ACER3: variants seen among roughly 807,000 people sequenced by gnomAD.
ACER3 encodes the protein alkCDase 3.
ACER3 carries 16 observed loss-of-function variants against 48.9 expected under a neutral mutation model. The ratio of observed to expected loss-of-function variants is 0.33; its 90% confidence interval spans 0.22 to 0.50. The LOEUF is 0.50. Among genes scored for constraint, ACER3 ranks in the 20% least tolerant of loss-of-function variants. ACER3 has a pLI of 0.98. For missense variants in ACER3, 227 were observed against 326.0 expected, an observed-to-expected ratio of 0.70 and a Z score of 2.34; for synonymous variants, 109 against 107.8, an observed-to-expected ratio of 1.01 and a Z score of -0.07.
intron 2 of ACER3, among the ~76,000 whole-genome samples, chr11:76,929,598 C>T (rs1210524533): frequency 1.3e-5 from 2 of 152,142 alleles, no homozygotes; most frequent in East Asian, 3.8e-4. Flanking sequence ...GGCTGTGGGT[C>T]TGTCATAAAT....
chr11:76,861,145 G>A, intron 1 of ACER3, 66 bp downstream of exon 1: 1 of 1,454,972 alleles, frequency 6.9e-7, no homozygotes, highest in Non-Finnish European at 9.3e-7. Context: ...GCCGTGTGAG[G>A]AAGGCAAAGA....
intron 1 of ACER3, among the ~76,000 whole-genome samples, chr11:76,870,299 T>A (rs1180487375): frequency 6.7e-6 from 1 of 149,356 alleles, no homozygotes; most frequent in African/African-American, 2.5e-5. Flanking sequence ...CACACCTGTC[T>A]ATTTTTTTTA....
intron 6 of ACER3, among the ~76,000 whole-genome samples, chr11:76,992,758 TAC>T (rs1448248325): frequency 6.6e-6 from 1 of 152,152 alleles, no homozygotes; most frequent in Non-Finnish European, 1.5e-5. Flanking sequence ...ATGATCTACA[TAC>T]AGTCAAGCAG....
chr11:76,985,483 C>T (rs1948669388), intron 4 of ACER3, among the ~76,000 whole-genome samples, 160 bp from the exon 5 acceptor site: 1 of 152,156 alleles, frequency 6.6e-6, no homozygotes, highest in South Asian at 2.1e-4. Flanking sequence ...TCCTTCCAGC[C>T]TCTTAGAGGA....
chr11:76,986,962 A>G (rs776054242), intron 5 of ACER3, among the ~76,000 whole-genome samples: 16 of 152,142 alleles, frequency 1.1e-4, no homozygotes, highest in Non-Finnish European at 2.1e-4. Context: ...GCTACTCAGG[A>G]GGCTGAGGTG....
At chr11:77,003,878 G>C (rs1949082422) in intron 7 of ACER3, among the ~76,000 whole-genome samples, 1 of 151,962 alleles carries the variant, frequency 6.6e-6, no homozygotes. Flanking sequence ...TTGATTTCTT[G>C]TTTGATTTCA....
At chr11:76,986,159 G>A (rs937030859) in intron 5 of ACER3, among the ~76,000 whole-genome samples, 1 of 151,986 alleles carries the variant, frequency 6.6e-6, no homozygotes, top group Admixed American at 6.6e-5. Context: ...CAAGTAAATT[G>A]CATTTTATAT....
chr11:77,009,165 C>A (rs1707976419), intron 7 of ACER3, among the ~76,000 whole-genome samples: 1 of 152,180 alleles, frequency 6.6e-6, no homozygotes, highest in South Asian at 2.1e-4. Context: ...AATTGGCTGA[C>A]AGTTTTTTAG....
intron 1 of ACER3, among the ~76,000 whole-genome samples, chr11:76,864,913 A>G (rs1383231299): frequency 7.3e-6 from 1 of 137,812 alleles, no homozygotes; most frequent in Admixed American, 7.7e-5. Context: ...TTTTTCTTTT[A>G]AATTAATTTT....
chr11:76,949,114 G>A (rs1363237518), intron 2 of ACER3, among the ~76,000 whole-genome samples: 1 of 152,048 alleles, frequency 6.6e-6, no homozygotes, highest in Non-Finnish European at 1.5e-5. Context: ...TTGTAACCTT[G>A]AAAAACTTTG....
chr11:76,995,268 T>C (rs1948888572), intron 6 of ACER3, among the ~76,000 whole-genome samples: 1 of 152,190 alleles, frequency 6.6e-6, no homozygotes, highest in South Asian at 2.1e-4. Context: ...TTTAGGACTT[T>C]GGCACTCACT....
At chr11:76,999,379 G>T (rs1350523734) in intron 7 of ACER3, among the ~76,000 whole-genome samples, 4 of 148,788 alleles carry the variant, frequency 2.7e-5, no homozygotes, top group South Asian at 2.1e-4. Flanking sequence ...TTGTGGGTTT[G>T]TTTTTTTTTT....
At chr11:76,945,989 C>T (rs1174093981) in intron 2 of ACER3, among the ~76,000 whole-genome samples, 2 of 152,210 alleles carry the variant, frequency 1.3e-5, no homozygotes, top group Non-Finnish European at 2.9e-5. Context: ...TAGCCTCAAA[C>T]TCAGTCTGAG....
chr11:76,883,994 C>G (rs930328925), intron 1 of ACER3, among the ~76,000 whole-genome samples: 1 of 152,186 alleles, frequency 6.6e-6, no homozygotes, highest in African/African-American at 2.4e-5. Context: ...TCTAGGATCT[C>G]TACTGGATAC....
intron 2 of ACER3, among the ~76,000 whole-genome samples, chr11:76,933,888 A>G (rs1279521521): frequency 6.6e-6 from 1 of 151,552 alleles, no homozygotes; most frequent in Non-Finnish European, 1.5e-5. Context: ...CTCACTTCTC[A>G]GATGGGGCGG....
intron 1 of ACER3, among the ~76,000 whole-genome samples, chr11:76,866,332 C>T (rs75269303): frequency 6.6e-4 from 100 of 152,290 alleles, no homozygotes; most frequent in African/African-American, 2.4e-3. Flanking sequence ...AAGTTTATCA[C>T]CAGGAGACAA....
At chr11:76,937,068 G>T (rs1043124713) in intron 2 of ACER3, among the ~76,000 whole-genome samples, 1 of 152,072 alleles carries the variant, frequency 6.6e-6, no homozygotes, top group Non-Finnish European at 1.5e-5. Context: ...ATAGGAAAAC[G>T]TGGTCAAATA....
At chr11:76,948,211 CTGTGTGTGTGTG>C (rs57302394) in intron 2 of ACER3, among the ~76,000 whole-genome samples, 294 of 135,768 alleles carry the variant, frequency 2.2e-3, no homozygotes, top group African/African-American at 6.1e-3. Flanking sequence ...CTGGCTCACT[CTGTGTGTGTGTG>C]TGTGTGTGTG....
At chr11:76,888,032 G>A (rs1008939443) in intron 1 of ACER3, among the ~76,000 whole-genome samples, 6 of 151,896 alleles carry the variant, frequency 4.0e-5, no homozygotes, top group Non-Finnish European at 7.4e-5. Context: ...TGCCCAGGCC[G>A]GTCTTGGCAG....
Sources: gnomAD v4.1 joint callset for allele counts (sites outside exome capture counted in the v4.1 genomes callset) on GRCh38, gnomAD v4.1.1 for gene constraint, MANE v1.5 for transcripts, NCBI Gene and HGNC (gene_info 2026-07-23, HGNC 2026-07-21) for gene names.